Variants in VEZT observed in about 807,000 individuals in gnomAD.
The protein encoded by VEZT is vezatin.
In VEZT, 39 loss-of-function variants were observed where a neutral mutation model predicts 79.9. The observed-to-expected ratio is 0.49, with a 90% CI of 0.38 to 0.64. The LOEUF (loss-of-function observed/expected upper bound fraction) is 0.64. Ranked by LOEUF, VEZT falls within the 30% of genes least tolerant of loss-of-function variation. The pLI is 0.00. For missense variants in VEZT, 837 were observed against 893.1 expected (o/e 0.94, Z 0.80); for synonymous variants, 325 against 327.6 (o/e 0.99, Z 0.09).
chr12:95,301,083 ATTATG>A lies in VEZT; in HGVS notation c.*414_*418del, dbSNP rs1369518729. 1 of 153,490 alleles carries A rather than the reference ATTATG, an allele frequency of 6.5e-6. No individual in the cohort carries two copies. The highest frequency in any genetic ancestry group is 1.5e-5 in the Non-Finnish European group (1 of 68,918). The allele number at this position is 153,490 out of a possible 1,614,324, so 9.5% of individuals were successfully genotyped here. A position where few individuals can be genotyped will look rare whatever the true frequency, so the allele number is the denominator to read the frequency against. On this transcript the variant is annotated 3_prime_UTR_variant, in exon 12 of 12. Transcript: ENST00000436874. ...ATTCTTGCAGTTAATAACTGCAGCT[ATTATG>A]TTAATAACAAGTTGTTTGTATTTTA...
chr12:95,295,884 C>T (rs1490809906), intron 10 of VEZT, among the ~76,000 whole-genome samples, 167 bp from the exon 11 acceptor site: 1 of 152,078 alleles, frequency 6.6e-6, no homozygotes, highest in Non-Finnish European at 1.5e-5. Context: ...TCAATTTATC[C>T]ATAGGTATAT....
chr12:95,229,119 T>C (rs2058893897), intron 1 of VEZT, among the ~76,000 whole-genome samples: 1 of 152,236 alleles, frequency 6.6e-6, no homozygotes, highest in African/African-American at 2.4e-5. Context: ...TGCTTTTTTT[T>C]CTGCTTATGT....
chr12:95,240,067 AG>A (rs778018316), intron 1 of VEZT, among the ~76,000 whole-genome samples: 10,908 of 92,364 alleles, frequency 0.12, 760 homozygotes, highest in Admixed American at 0.14. Flanking sequence ...GAAGGAAGGA[AG>A]GAAGGAAGAA....
chr12:95,259,557 A>G (rs974177851), intron 3 of VEZT, among the ~76,000 whole-genome samples: 1 of 152,214 alleles, frequency 6.6e-6, no homozygotes, highest in African/African-American at 2.4e-5. Context: ...TAACATGCTT[A>G]AGTTGTGGAG....
intron 1 of VEZT, among the ~76,000 whole-genome samples, chr12:95,223,591 C>T (rs555896769): frequency 6.6e-6 from 1 of 152,274 alleles, no homozygotes; most frequent in Non-Finnish European, 1.5e-5. Flanking sequence ...GCTGGGATTA[C>T]AGGCACCCAT....
At chr12:95,279,972 C>T (rs937128253) in intron 7 of VEZT, among the ~76,000 whole-genome samples, 1 of 152,172 alleles carries the variant, frequency 6.6e-6, no homozygotes, top group Non-Finnish European at 1.5e-5. Flanking sequence ...TCCTTGTTAA[C>T]TCTTTTTCTC....
chr12:95,237,743 TTC>T (rs1204894325), intron 1 of VEZT, among the ~76,000 whole-genome samples: 1 of 152,262 alleles, frequency 6.6e-6, no homozygotes, highest in African/African-American at 2.4e-5. Flanking sequence ...ATTATTTCTC[TTC>T]TCTGAGTTTA....
chr12:95,246,017 G>A (rs1024739278), intron 1 of VEZT, among the ~76,000 whole-genome samples: 1 of 152,208 alleles, frequency 6.6e-6, no homozygotes, highest in Admixed American at 6.5e-5. Flanking sequence ...TAATGACACT[G>A]GCACTTGTAC....
chr12:95,285,273 T>A (rs2139405689), intron 8 of VEZT, among the ~76,000 whole-genome samples: 1 of 150,030 alleles, frequency 6.7e-6, no homozygotes, highest in Non-Finnish European at 1.5e-5. Context: ...GAAACCCTTA[T>A]CTCTACAAAA....
chr12:95,234,465 T>C (rs1023937405), intron 1 of VEZT, among the ~76,000 whole-genome samples: 20 of 151,846 alleles, frequency 1.3e-4, no homozygotes, highest in Admixed American at 9.8e-4. Flanking sequence ...AATTTTTTTG[T>C]ATTTTTTTAG....
chr12:95,238,157 A>G lies in VEZT; in HGVS notation c.37-13783A>G, dbSNP rs77053972. On this transcript the variant is annotated intron_variant, in intron 1 of 11. Coordinates refer to ENST00000436874, the MANE Select transcript of VEZT (RefSeq NM_017599.4). ...CAATTTTTCTCAAAGAGACAATTTT[A>G]TATTATAGTTTAAAAGTATGGGCTT... Among the ~76,000 whole-genome samples, 939 of 152,312 alleles carry G rather than the reference A, an allele frequency of 6.2e-3. 12 individuals are homozygous for G. The highest frequency in any genetic ancestry group is 0.021 in the African/African-American group (873 of 41,580).
intron 9 of VEZT, among the ~76,000 whole-genome samples, chr12:95,291,087 A>G (rs1019457973): frequency 6.6e-6 from 1 of 152,088 alleles, no homozygotes; most frequent in Non-Finnish European, 1.5e-5. Flanking sequence ...CAATATGGCA[A>G]AACCCCATCT....
intron 1 of VEZT, among the ~76,000 whole-genome samples, chr12:95,220,898 T>G (rs1442758422): frequency 6.6e-6 from 1 of 152,222 alleles, no homozygotes; most frequent in Non-Finnish European, 1.5e-5. Flanking sequence ...TAGATATTTC[T>G]GTAGATATTG....
chr12:95,289,129 T>TA (rs1555292252), intron 9 of VEZT, among the ~76,000 whole-genome samples: 1 of 141,500 alleles, frequency 7.1e-6, no homozygotes, highest in Non-Finnish European at 1.6e-5. Flanking sequence ...AATAAATAAA[T>TA]AAAAAAGGCC....
At chr12:95,281,987 T>C (rs1021226043) in intron 7 of VEZT, among the ~76,000 whole-genome samples, 1 of 152,020 alleles carries the variant, frequency 6.6e-6, no homozygotes, top group African/African-American at 2.4e-5. Flanking sequence ...TATCTTCTTT[T>C]CTCCTATGTG....
At chr12:95,293,966 G>A in intron 9 of VEZT, 1 of 303,708 alleles carries the variant, frequency 3.3e-6, no homozygotes, top group Non-Finnish European at 6.4e-6. Context: ...ACTGCTCACT[G>A]TAGTCTTGAT....
intron 1 of VEZT, among the ~76,000 whole-genome samples, chr12:95,236,115 C>T (rs2060135560): frequency 6.6e-6 from 1 of 152,152 alleles, no homozygotes; most frequent in South Asian, 2.1e-4. Context: ...CACGCCACTG[C>T]ACTCCAGCCT....
chr12:95,268,723 A>G lies in VEZT; in HGVS notation c.711-1328A>G, dbSNP rs560120097. ...TGACTTCTACCCATTCAGATGACAG[A>G]CGAAGAGAAGTATTGGAAGAAATTG... On this transcript the variant is annotated intron_variant, in intron 5 of 11. Transcript: ENST00000436874. Among the ~76,000 whole-genome samples the G allele has an allele frequency of 3.9e-5, 6 of 152,236 alleles. No individual in the cohort carries two copies. In the South Asian group the frequency reaches 1.2e-3, roughly 31 times the overall value.
intron 3 of VEZT, among the ~76,000 whole-genome samples, chr12:95,257,760 T>G (rs1024361262): frequency 3.3e-5 from 5 of 152,114 alleles, no homozygotes; most frequent in African/African-American, 4.8e-5. Context: ...TTCTCATGGC[T>G]CCCAGAAGGA....
Sources: gnomAD v4.1 joint callset for allele counts (sites outside exome capture counted in the v4.1 genomes callset) on GRCh38, gnomAD v4.1.1 for gene constraint, MANE v1.5 for transcripts, NCBI Gene and HGNC (gene_info 2026-07-23, HGNC 2026-07-21) for gene names.